The following ADAMTSL3 variants were observed in gnomAD, a reference collection of about 807,000 sequenced individuals.
ADAMTSL3 encodes the protein ADAMTS like 3, also known as ADAMTS-like protein 3.
In ADAMTSL3, 128 loss-of-function variants were observed where a neutral mutation model predicts 201.7. That is an observed-to-expected ratio of 0.63 (90% CI 0.55 to 0.73). The LOEUF (loss-of-function observed/expected upper bound fraction) is 0.73, where lower values mean the gene tolerates loss of function less well. ADAMTSL3 is among the 30% of genes least tolerant of loss of function. ADAMTSL3 has a pLI of 0.00. For missense variants in ADAMTSL3, 1,990 were observed against 2,119.6 expected (o/e 0.94, Z 1.20); for synonymous variants, 738 against 748.4 (o/e 0.99, Z 0.23).
chr15:84,003,819 G>A (rs1161995498), intron 23 of ADAMTSL3, among the ~76,000 whole-genome samples: 1 of 152,164 alleles, frequency 6.6e-6, no homozygotes, highest in African/African-American at 2.4e-5. Context: ...ATAAAACACA[G>A]GGAACCGTCA....
At chr15:83,751,288 A>T (rs1244014587) in intron 3 of ADAMTSL3, among the ~76,000 whole-genome samples, 1 of 152,214 alleles carries the variant, frequency 6.6e-6, no homozygotes, top group Non-Finnish European at 1.5e-5. Context: ...TTGGCATTTT[A>T]TATTATTATG....
At chr15:83,940,618 A>C (rs1427144427) in intron 17 of ADAMTSL3, among the ~76,000 whole-genome samples, 1 of 152,202 alleles carries the variant, frequency 6.6e-6, no homozygotes, top group Non-Finnish European at 1.5e-5. Flanking sequence ...CAACATTTGA[A>C]TTTGTTGGTG....
chr15:83,865,952 T>C (rs1037106985), intron 8 of ADAMTSL3, among the ~76,000 whole-genome samples: 1 of 152,104 alleles, frequency 6.6e-6, no homozygotes. Flanking sequence ...GGGTGAAGGA[T>C]ATGAACAGAC....
At chr15:83,724,876 C>T (rs1373880978) in intron 3 of ADAMTSL3, among the ~76,000 whole-genome samples, 1 of 152,084 alleles carries the variant, frequency 6.6e-6, no homozygotes, top group East Asian at 1.9e-4. Flanking sequence ...TTGCAAATGA[C>T]AGAATCTCTT....
chr15:83,703,668 C>T (rs1435293651), intron 2 of ADAMTSL3, among the ~76,000 whole-genome samples: 10 of 152,132 alleles, frequency 6.6e-5, no homozygotes, highest in South Asian at 2.1e-4. Context: ...TCCCCAGCCA[C>T]GTGGAACTCT....
In ADAMTSL3 at chr15:83,982,302, G is replaced by C; in HGVS notation, c.2674G>C (p.Gly892Arg). 1 of 1,602,424 alleles carries C rather than the reference G, an allele frequency of 6.2e-7. No individual in the cohort carries two copies. Among genetic ancestry groups the C allele is most frequent in the Non-Finnish European group, 8.5e-7 (1 of 1,172,564 alleles). ...KIKSEMKTKL[G>R]EQGPQILSVQ... is the part of the protein sequence containing the mutation. ...CAAATCAGAGATGAAGACAAAACTT[G>C]GTGAGCAGGGTCCGCAGATCCTCAG... Residue 892 changes from glycine (G) to arginine (R), a missense_variant, in exon 21 of 30, where the codon GGT becomes CGT. Transcript: ENST00000286744.
intron 15 of ADAMTSL3, among the ~76,000 whole-genome samples, chr15:83,899,984 A>C (rs2065692685): frequency 6.6e-6 from 1 of 152,228 alleles, no homozygotes; most frequent in South Asian, 2.1e-4. Flanking sequence ...GGTCTGCTAC[A>C]CTTAAGAGAC....
chr15:83,726,172 C>T (rs567668172), intron 3 of ADAMTSL3, among the ~76,000 whole-genome samples: 6 of 151,846 alleles, frequency 4.0e-5, no homozygotes, highest in Middle Eastern at 3.4e-3. Context: ...TGAATGGGAC[C>T]GCTTTCTTGA....
chr15:83,695,158 G>A (rs2061663591), intron 2 of ADAMTSL3, among the ~76,000 whole-genome samples: 2 of 118,620 alleles, frequency 1.7e-5, no homozygotes, highest in South Asian at 5.9e-4. Context: ...GTATGTGTGT[G>A]TGTATGTATG....
intron 4 of ADAMTSL3, among the ~76,000 whole-genome samples, chr15:83,790,883 A>C (rs975002790): frequency 1.3e-5 from 2 of 152,208 alleles, no homozygotes; most frequent in African/African-American, 4.8e-5. Context: ...AACAAAATTT[A>C]AAAATACAGT....
At chr15:83,771,729 C>T (rs1159767170) in intron 3 of ADAMTSL3, among the ~76,000 whole-genome samples, 3 of 152,240 alleles carry the variant, frequency 2.0e-5, no homozygotes, top group East Asian at 3.8e-4. Context: ...CTATTGCAAA[C>T]AATGAGTGTG....
At chr15:83,814,333 T>C (rs2063739946) in intron 5 of ADAMTSL3, among the ~76,000 whole-genome samples, 1 of 152,204 alleles carries the variant, frequency 6.6e-6, no homozygotes, top group Admixed American at 6.5e-5. Context: ...TTTTATATTT[T>C]AGTCCCCTCC....
In ADAMTSL3 at chr15:83,899,658, G is replaced by A. The variant is rs1196002611; in HGVS notation, c.1627G>A (p.Val543Met). The change falls in exon 15 of 30, where the codon GTG becomes ATG. Residue 543 changes from valine to methionine, a missense_variant. Transcript: ENST00000286744. ...TCTCTTTTTCTTAGAAAAAAGTCCA[G>A]TGGAAGCAAAATTGCCTTGGCTGAA... ...PCYKPKEKSP[V>M]EAKLPWLKQA... 2 of 1,611,642 alleles carry A rather than the reference G, an allele frequency of 1.2e-6. No individual in the cohort carries two copies. Among genetic ancestry groups the A allele is most frequent in the Non-Finnish European group, 1.7e-6 (2 of 1,178,432 alleles).
At chr15:83,715,709 T>C (rs1454517732) in intron 3 of ADAMTSL3, among the ~76,000 whole-genome samples, 1 of 152,196 alleles carries the variant, frequency 6.6e-6, no homozygotes, top group African/African-American at 2.4e-5. Flanking sequence ...CCTTGTTTCC[T>C]CCTCTGAAAT....
chr15:83,769,742 T>A (rs2062949000), intron 3 of ADAMTSL3, among the ~76,000 whole-genome samples: 1 of 152,132 alleles, frequency 6.6e-6, no homozygotes. Context: ...TTCATTTCAC[T>A]TTTGAAGGTC....
In ADAMTSL3 at chr15:83,913,026, TC is replaced by T. The variant is rs2065960327; in HGVS notation, c.1701-64del. 3 of 1,533,498 alleles carry T rather than the reference TC, an allele frequency of 2.0e-6. No homozygotes were observed. In the Admixed American group the frequency reaches 5.6e-5, roughly 29 times the overall value. The allele number at this position is 1,533,498 out of a possible 1,614,324, so 95.0% of individuals were successfully genotyped here. On this transcript the variant is annotated intron_variant, in intron 15 of 29. Coordinates refer to ENST00000286744, the MANE Select transcript of ADAMTSL3 (RefSeq NM_207517.3). ...TTGCCTTCGTTGAATGTGTCACTCCTCCTTTTCTGGCCTATATTTAATGACC... is the reference window on the plus strand; with the variant it reads ...TTGCCTTCGTTGAATGTGTCACTCCTCTTTTCTGGCCTATATTTAATGACC...
chr15:83,662,906 C>G (rs1195353331), intron 2 of ADAMTSL3, among the ~76,000 whole-genome samples: 6 of 152,210 alleles, frequency 3.9e-5, no homozygotes, highest in Non-Finnish European at 8.8e-5. Flanking sequence ...CACTCCAGCT[C>G]TCCCTCAACC....
At chr15:83,940,986 A>T (rs1429400304) in intron 17 of ADAMTSL3, among the ~76,000 whole-genome samples, 1 of 152,068 alleles carries the variant, frequency 6.6e-6, no homozygotes, top group African/African-American at 2.4e-5. Flanking sequence ...ATATTTTCAA[A>T]TATATTATTA....
chr15:83,731,281 A>G (rs2062266178), intron 3 of ADAMTSL3, among the ~76,000 whole-genome samples: 1 of 152,096 alleles, frequency 6.6e-6, no homozygotes, highest in Non-Finnish European at 1.5e-5. Context: ...AAGACATACA[A>G]GTGGCCAACA....
Sources: allele counts gnomAD v4.1 joint callset (sites outside exome capture counted in the v4.1 genomes callset), GRCh38; gene constraint gnomAD v4.1.1; transcripts MANE v1.5; gene names NCBI Gene and HGNC (gene_info 2026-07-23, HGNC 2026-07-21).